TNFSF11: variants seen among roughly 807,000 people sequenced by gnomAD.
The protein encoded by TNFSF11 is tumor necrosis factor ligand superfamily member 11.
TNFSF11 carries 12 observed loss-of-function variants against 32.2 expected under a neutral mutation model. The ratio of observed to expected loss-of-function variants is 0.37; its 90% CI spans 0.24 to 0.60. The LOEUF is 0.60. TNFSF11 is among the 20% of genes least tolerant of loss of function. TNFSF11 has a pLI of 0.66. For missense variants in TNFSF11, 345 were observed against 398.0 expected (o/e 0.87, Z 1.13); for synonymous variants, 172 against 152.1 (o/e 1.13, Z -0.96).
intron 2 of TNFSF11, among the ~76,000 whole-genome samples, chr13:42,591,840 A>G (rs1012294183): frequency 6.6e-6 from 1 of 152,190 alleles, no homozygotes; most frequent in Admixed American, 6.5e-5. Flanking sequence ...ATTAAGGATG[A>G]GCTATTGATG....
chr13:42,589,272 C>G (rs1046803366), intron 2 of TNFSF11, among the ~76,000 whole-genome samples: 1 of 152,164 alleles, frequency 6.6e-6, no homozygotes, highest in East Asian at 1.9e-4. Flanking sequence ...ACCTCTCCCC[C>G]ATCCTGTGAA....
rs767060979 is a variant in TNFSF11 at position 42,600,912 on chromosome 13, G to A, written c.463G>A (p.Ala155Thr). The change falls in exon 4 of 5, where the codon GCC becomes ACC. Residue 155 changes from alanine to threonine, a missense_variant. Ala to Thr is a moderately conservative substitution (Grantham distance 58). Transcript: ENST00000398795. ...AMVDGSWLDL[A>T]KRSKLEAQPF... ...GGTGGATGGCTCATGGTTAGATCTG[G>A]CCAAGAGGAGCAAGCTTGAAGCTCA... 1 of 1,613,974 alleles carries A rather than the reference G, an allele frequency of 6.2e-7. No homozygotes were observed. The highest frequency in any genetic ancestry group is 8.5e-7 in the Non-Finnish European group (1 of 1,179,976).
rs763230247 is a variant in TNFSF11 at position 42,600,933 on chromosome 13, G to T, written c.484G>T (p.Ala162Ser). The T allele has an allele frequency of 1.2e-6, 2 of 1,614,126 alleles. No homozygotes were observed. Among genetic ancestry groups the T allele is most frequent in the Non-Finnish European group, 1.7e-6 (2 of 1,179,986 alleles). The change falls in exon 4 of 5, where the codon GCT (alanine) becomes TCT (serine). Residue 162 changes from alanine to serine, a missense_variant. Physicochemically the swap from Ala to Ser is moderately conservative, Grantham distance 99 (BLOSUM62 1). Around this residue, in one of 2 missense-constraint regions of TNFSF11, gnomAD observed 148 missense variants for 216.0 expected, o/e 0.69. Transcript: ENST00000398795. ...LDLAKRSKLE[A>S]QPFAHLTINA... ...TCTGGCCAAGAGGAGCAAGCTTGAA[G>T]CTCAGCCTTTTGCTCATCTCACTAT...
intron 4 of TNFSF11, among the ~76,000 whole-genome samples, chr13:42,605,402 G>A (rs1281786889): frequency 5.3e-5 from 8 of 152,304 alleles, no homozygotes; most frequent in African/African-American, 1.7e-4. Flanking sequence ...ACTTTCCACA[G>A]TATTACAACT....
chr13:42,591,289 G>A (rs1868458194), intron 2 of TNFSF11, among the ~76,000 whole-genome samples: 2 of 152,236 alleles, frequency 1.3e-5, no homozygotes, highest in Admixed American at 1.3e-4. Context: ...TTAAGGTGAG[G>A]ATGGCTTTTA....
intron 1 of TNFSF11, among the ~76,000 whole-genome samples, chr13:42,579,704 C>T (rs866665000): frequency 2.6e-4 from 17 of 65,504 alleles, no homozygotes; most frequent in African/African-American, 8.5e-4. Flanking sequence ...TAAGTAAGCC[C>T]TTTTTTTTTT....
At chr13:42,586,476 A>G (rs1277849066) in intron 2 of TNFSF11, among the ~76,000 whole-genome samples, 1 of 152,226 alleles carries the variant, frequency 6.6e-6, no homozygotes, top group East Asian at 1.9e-4. Context: ...CTTCAGTACA[A>G]TAATAACACA....
intron 4 of TNFSF11, among the ~76,000 whole-genome samples, chr13:42,602,467 G>A (rs1457451381): frequency 4.6e-5 from 7 of 152,130 alleles, no homozygotes; most frequent in Non-Finnish European, 1.0e-4. Flanking sequence ...ACTTTGTTAC[G>A]GCATGGACAA....
intron 2 of TNFSF11, among the ~76,000 whole-genome samples, chr13:42,584,742 C>G (rs1033788588): frequency 5.3e-5 from 8 of 152,186 alleles, no homozygotes; most frequent in Non-Finnish European, 1.0e-4. Flanking sequence ...GGCACGTAGT[C>G]TTAATTATAC....
chr13:42,596,203 T>A (rs970343570), intron 2 of TNFSF11, among the ~76,000 whole-genome samples: 1 of 152,278 alleles, frequency 6.6e-6, no homozygotes, highest in Admixed American at 6.5e-5. Context: ...GGAGATGCAA[T>A]GTCCCTTATC....
At chr13:42,587,682 C>T (rs540275280) in intron 2 of TNFSF11, among the ~76,000 whole-genome samples, 10 of 152,260 alleles carry the variant, frequency 6.6e-5, no homozygotes, top group Non-Finnish European at 2.9e-5. Flanking sequence ...TCACCTGCAC[C>T]GCTTTTGCTA....
At chr13:42,600,052 T>G (rs1476006404) in intron 2 of TNFSF11, among the ~76,000 whole-genome samples, 2 of 152,226 alleles carry the variant, frequency 1.3e-5, no homozygotes, top group Non-Finnish European at 2.9e-5. Flanking sequence ...TCAGCTAATG[T>G]CTGGATACAG....
At chr13:42,568,202 C>T (rs1165323723) in intron 2 of TNFSF11, among the ~76,000 whole-genome samples, 1 of 152,178 alleles carries the variant, frequency 6.6e-6, no homozygotes, top group Non-Finnish European at 1.5e-5. Flanking sequence ...ATGCTTACAC[C>T]CTTTCATGAA....
At chr13:42,563,202 G>A (rs1228927146) in intron 1 of TNFSF11, among the ~76,000 whole-genome samples, 1 of 152,146 alleles carries the variant, frequency 6.6e-6, no homozygotes, top group Non-Finnish European at 1.5e-5. Context: ...CCCTTCCCAT[G>A]GTAAAGTTTT....
At position 42,574,409 on chromosome 13, in the gene TNFSF11, C is replaced by T. The variant is rs749110346; in HGVS notation, c.106C>T (p.Pro36Ser). 1.9e-6 allele frequency: 3 copies of T among 1,568,502 alleles called. No homozygotes were observed. Among genetic ancestry groups the T allele is most frequent in the African/African-American group, 1.4e-5 (1 of 74,020 alleles). ...GGGCCCCCTGCACGCCCCGCCGCCG[C>T]CTGCGCCGCACCAGCCCCCTGCCGC... ...HEGPLHAPPPPAPHQPPAASR... is the reference protein window; with the variant it reads ...HEGPLHAPPPSAPHQPPAASR... The change falls in exon 1 of 5, where the codon CCT becomes TCT. Residue 36 changes from proline (P) to serine (S), a missense_variant. Physicochemically the swap from Pro to Ser is moderately conservative, Grantham distance 74 (BLOSUM62 -1). Around this residue, in one of 2 missense-constraint regions of TNFSF11, gnomAD observed 197 missense variants for 182.0 expected, o/e 1.08. Coordinates refer to ENST00000398795, the MANE Select transcript of TNFSF11 (RefSeq NM_003701.4).
chr13:42,575,011 T>C (rs1266352306), intron 1 of TNFSF11, among the ~76,000 whole-genome samples: 2 of 152,200 alleles, frequency 1.3e-5, no homozygotes, highest in Non-Finnish European at 2.9e-5. Context: ...GCAGGTGTGC[T>C]GGGGCCACGG....
Position 42,562,964 on chromosome 13 carries a change from G to A in TNFSF11, c.-302+1G>A, listed in dbSNP as rs1372694267. 1 of 152,226 alleles carries A rather than the reference G, an allele frequency of 6.6e-6. No individual in the cohort carries two copies. The highest frequency in any genetic ancestry group is 2.4e-5 in the African/African-American group (1 of 41,428). The allele number at this position is 152,226 out of a possible 1,614,324, so 9.4% of individuals were successfully genotyped here. A position where few individuals can be genotyped will look rare whatever the true frequency, so the allele number is the denominator to read the frequency against. On this transcript the variant is annotated splice_donor_variant, in intron 1 of 6. Coordinates refer to the TNFSF11 transcript ENST00000358545. LOFTEE classifies it low-confidence loss of function (5UTR_SPLICE). ...TGTAGCCAGAAGAAAAGAATGAGAG[G>A]TACTATTAGTTGCAGAAATTGAGGG...
In TNFSF11 at chr13:42,600,899, A is replaced by C. The variant is rs774115710; in HGVS notation, c.450A>C (p.Ser150=). The C allele has an allele frequency of 3.7e-6, 6 of 1,614,002 alleles. No homozygotes were observed. Among genetic ancestry groups the C allele is most frequent in the Middle Eastern group, 1.6e-4 (1 of 6,084 alleles). Reference sequence around the variant, plus strand: ...CATCTCCAGCGATGGTGGATGGCTCATGGTTAGATCTGGCCAAGAGGAGCA... The same window carrying C: ...CATCTCCAGCGATGGTGGATGGCTCCTGGTTAGATCTGGCCAAGAGGAGCA... ...IRAEKAMVDG[S]WLDLAKRSKL... The change falls in exon 4 of 5, where the codon TCA becomes TCC. Residue 150 remains serine (S), a synonymous_variant. Coordinates refer to ENST00000398795, the MANE Select transcript of TNFSF11 (RefSeq NM_003701.4).
intron 2 of TNFSF11, among the ~76,000 whole-genome samples, chr13:42,590,762 G>T (rs548845065): frequency 4.6e-5 from 7 of 152,282 alleles, no homozygotes; most frequent in African/African-American, 1.7e-4. Flanking sequence ...GCTGTCATAA[G>T]ACTACTTTAT....
Sources: gnomAD v4.1 joint callset for allele counts (sites outside exome capture counted in the v4.1 genomes callset) on GRCh38, gnomAD v4.1.1 for gene constraint, gnomAD v4.1.1 regional missense constraint, MANE v1.5 for transcripts, NCBI Gene and HGNC (gene_info 2026-07-23, HGNC 2026-07-21) for gene names.